The following CMIP variants were observed in gnomAD, a reference collection of about 807,000 sequenced individuals.
The protein encoded by CMIP is c-Maf inducing protein, also known as C-Maf-inducing protein.
Under a neutral mutation model 97.3 loss-of-function variants are expected in CMIP, and 13 were observed. That is an observed-to-expected ratio of 0.13 (90% CI 0.09 to 0.21). CMIP has a LOEUF of 0.21. Among genes scored for constraint, CMIP ranks in the 10% least tolerant of loss-of-function variants. The probability of loss-of-function intolerance (pLI) is 1.00; values close to 1 mark genes in which losing one functional copy is unlikely to be tolerated. For synonymous variants in CMIP, 538 were observed against 436.3 expected (o/e 1.23, Z -2.91); for missense variants, 847 against 1,024.9 (o/e 0.83, Z 2.37).
chr16:81,604,657 G>C (rs565743838), intron 1 of CMIP, among the ~76,000 whole-genome samples: 1 of 152,112 alleles, frequency 6.6e-6, no homozygotes, highest in African/African-American at 2.4e-5. Context: ...CCGAGATCGC[G>C]CCACTGCAGT....
intron 1 of CMIP, among the ~76,000 whole-genome samples, chr16:81,572,614 C>T (rs899277708): frequency 6.6e-5 from 10 of 152,180 alleles, no homozygotes; most frequent in South Asian, 2.1e-4. Context: ...CTCTGAGAAG[C>T]GACTTCCCCA....
chr16:81,591,394 G>GT (rs1459930447), intron 1 of CMIP, among the ~76,000 whole-genome samples: 2 of 152,228 alleles, frequency 1.3e-5, no homozygotes, highest in Non-Finnish European at 2.9e-5. Flanking sequence ...TGCACAGAAG[G>GT]TACTGGGGTT....
At chr16:81,474,985 T>G (rs1411168200) in intron 1 of CMIP, among the ~76,000 whole-genome samples, 1 of 152,220 alleles carries the variant, frequency 6.6e-6, no homozygotes, top group East Asian at 1.9e-4. Context: ...TCACTTCACT[T>G]AAGGAGCCTT....
chr16:81,566,159 G>T (rs1004118915), intron 1 of CMIP, among the ~76,000 whole-genome samples: 5 of 152,218 alleles, frequency 3.3e-5, no homozygotes, highest in African/African-American at 1.2e-4. Flanking sequence ...CAGATTGGAG[G>T]CTGCCCTCTC....
intron 20 of CMIP, among the ~76,000 whole-genome samples, chr16:81,708,226 G>T (rs936760455): frequency 6.6e-6 from 1 of 152,216 alleles, no homozygotes; most frequent in East Asian, 1.9e-4. Flanking sequence ...GGTGGCAGGG[G>T]CACAGCCAGC....
chr16:81,609,668 C>G (rs938556615), intron 2 of CMIP, among the ~76,000 whole-genome samples: 6 of 152,158 alleles, frequency 3.9e-5, no homozygotes, highest in African/African-American at 1.4e-4. Context: ...GCTCCCCAGA[C>G]AGGGGGCATT....
chr16:81,614,921 A>G lies in CMIP; in HGVS notation c.427-5955A>G, dbSNP rs1453570944. ...TCCTGTGTCTATATGTGGTGTGCAT[A>G]GTGTGTATCTCTGTGTGTGGTGTGT... On this transcript the variant is annotated intron_variant, in intron 2 of 20. Coordinates refer to ENST00000537098, the MANE Select transcript of CMIP (RefSeq NM_198390.3). This position sits in a 1 kb window ranked among gnomAD's most constrained non-coding sequence, Gnocchi z 5.3. Among the ~76,000 whole-genome samples the G allele has an allele frequency of 6.8e-6, 1 of 147,596 alleles. No individual in the cohort carries two copies. Among genetic ancestry groups the G allele is most frequent in the African/African-American group, 2.5e-5 (1 of 39,656 alleles).
chr16:81,590,046 C>G (rs377248219), intron 1 of CMIP, among the ~76,000 whole-genome samples: 1 of 152,110 alleles, frequency 6.6e-6, no homozygotes, highest in Non-Finnish European at 1.5e-5. Flanking sequence ...AGGGGCTGCC[C>G]TCAGGGCACA....
intron 3 of CMIP, among the ~76,000 whole-genome samples, chr16:81,637,042 T>G (rs935998027): frequency 6.6e-6 from 1 of 152,158 alleles, no homozygotes; most frequent in East Asian, 1.9e-4. Context: ...CACTTCTCTA[T>G]TGATGGACAT....
intron 10 of CMIP, among the ~76,000 whole-genome samples, chr16:81,678,862 T>C (rs904403684): frequency 6.6e-6 from 1 of 152,238 alleles, no homozygotes; most frequent in Non-Finnish European, 1.5e-5. Flanking sequence ...CATGTGGCTC[T>C]GGTTGTGTAT....
chr16:81,538,572 G>C (rs1378859435), intron 1 of CMIP, among the ~76,000 whole-genome samples: 1 of 152,144 alleles, frequency 6.6e-6, no homozygotes, highest in East Asian at 1.9e-4. Context: ...AAGTTGATTT[G>C]ATTACCATTT....
In CMIP at chr16:81,548,958, C is replaced by T. The variant is rs1189678840; in HGVS notation, c.301-58609C>T. On this transcript the variant is annotated intron_variant, in intron 1 of 20. Transcript: ENST00000537098. ...TTCATTCTCATAGCAACCCATTTCACACACGAGGATTGACTTGGCACCACA... is the reference window on the plus strand; with the variant it reads ...TTCATTCTCATAGCAACCCATTTCATACACGAGGATTGACTTGGCACCACA... Among the ~76,000 whole-genome samples the T allele has an allele frequency of 6.1e-4, 93 of 152,372 alleles. 1 individual carries two copies. The highest frequency in any genetic ancestry group is 5.9e-5 in the Non-Finnish European group (4 of 68,038).
intron 5 of CMIP, among the ~76,000 whole-genome samples, chr16:81,660,189 T>A (rs1041070047): frequency 6.6e-6 from 1 of 152,070 alleles, no homozygotes; most frequent in Non-Finnish European, 1.5e-5. Flanking sequence ...CAGAATCGAG[T>A]TCAGACCCAG....
chr16:81,500,819 G>T (rs765412407), intron 1 of CMIP, among the ~76,000 whole-genome samples: 5 of 148,850 alleles, frequency 3.4e-5, no homozygotes, highest in Non-Finnish European at 7.5e-5. Flanking sequence ...CTCCCTCTCT[G>T]TCCTTCCCTT....
chr16:81,493,081 G>A (rs966873398), intron 1 of CMIP, among the ~76,000 whole-genome samples: 5 of 152,160 alleles, frequency 3.3e-5, no homozygotes, highest in Non-Finnish European at 7.4e-5. Flanking sequence ...TTGATTCGGG[G>A]GAAGCTGTAG....
At chr16:81,534,642 A>G (rs1167138423) in intron 1 of CMIP, among the ~76,000 whole-genome samples, 1 of 119,108 alleles carries the variant, frequency 8.4e-6, no homozygotes, top group African/African-American at 2.8e-5. Context: ...AACATTCCCC[A>G]TAAAAAAAAA....
intron 7 of CMIP, among the ~76,000 whole-genome samples, chr16:81,667,530 G>A (rs1416618300): frequency 6.6e-6 from 1 of 152,088 alleles, no homozygotes; most frequent in Non-Finnish European, 1.5e-5. Flanking sequence ...AAATGACCTT[G>A]ATTATTCAAA....
Position 81,614,160 on chromosome 16 carries a change from G to A in CMIP, c.426+6468G>A, listed in dbSNP as rs147789365. Among the ~76,000 whole-genome samples, 25 of 152,284 alleles carry A rather than the reference G, an allele frequency of 1.6e-4. No homozygotes were observed. The highest frequency in any genetic ancestry group is 5.8e-4 in the African/African-American group (24 of 41,558). On this transcript the variant is annotated intron_variant, in intron 2 of 20. Coordinates refer to ENST00000537098, the MANE Select transcript of CMIP (RefSeq NM_198390.3). The surrounding 1 kb of genome is among the most constrained non-coding windows in gnomAD (Gnocchi z 5.3). ...CCTGAAGTGTAAGTAGGAGTCCAGC[G>A]GGCAGCGGAGAGAAGGGGGTGACAG...
Position 81,652,200 on chromosome 16 carries a change from C to T in CMIP, c.478-3C>T, listed in dbSNP as rs770513198. The T allele has an allele frequency of 8.1e-6, 13 of 1,609,722 alleles. No individual in the cohort carries two copies. The highest frequency in any genetic ancestry group is 1.1e-5 in the Non-Finnish European group (13 of 1,176,606). ...TTGCTGTCTCTTTATCTCTTTCAAC[C>T]AGAAAAAGATTTACAAATATAAGAA... On this transcript the variant is annotated splice_polypyrimidine_tract_variant and splice_region_variant and intron_variant, in intron 3 of 20. Transcript: ENST00000537098. The surrounding 1 kb of genome is among the most constrained non-coding windows in gnomAD (Gnocchi z 5.2).
Sources: gnomAD v4.1 joint callset for allele counts (sites outside exome capture counted in the v4.1 genomes callset) on GRCh38, gnomAD v4.1.1 for gene constraint, Gnocchi (gnomAD v3.1) non-coding constraint, MANE v1.5 for transcripts, NCBI Gene and HGNC (gene_info 2026-07-23, HGNC 2026-07-21) for gene names.